The following TTC28 variants were observed in gnomAD, a reference collection of about 807,000 sequenced individuals.
TTC28 encodes tetratricopeptide repeat domain 28.
In TTC28, 61 loss-of-function variants were observed where a neutral mutation model predicts 198.0. That is an observed-to-expected ratio of 0.31 (90% CI 0.25 to 0.38). TTC28 has a LOEUF of 0.38. TTC28 is among the 10% of genes least tolerant of loss of function. The probability of loss-of-function intolerance (pLI) is 1.00; values close to 1 mark genes in which losing one functional copy is unlikely to be tolerated. For synonymous variants in TTC28, 1,171 were observed against 1,297.8 expected, an observed-to-expected ratio of 0.90 and a Z score of 2.10; for missense variants, 2,678 against 3,164.0, an observed-to-expected ratio of 0.85 and a Z score of 3.69.
At chr22:28,647,851 A>G (rs2051495595) in intron 1 of TTC28, among the ~76,000 whole-genome samples, 1 of 151,634 alleles carries the variant, frequency 6.6e-6, no homozygotes, top group Admixed American at 6.6e-5. Flanking sequence ...AAATAAAATA[A>G]AATAAAATAA....
In TTC28 at chr22:28,018,244, A is replaced by AGTGTGTGTGTGTGTGTGTGTGTGTGT. The variant is rs138612299; in HGVS notation, c.4074-3878_4074-3853dup. ...ACTCCTCTGATCTGTGCTGCTATTC[A>AGTGTGTGTGTGTGTGTGTGTGTGTGT]GTGTGTGTGTGTGTGTGTGTGTGTG... On this transcript the variant is annotated intron_variant, in intron 13 of 22. Transcript: ENST00000397906. Among the ~76,000 whole-genome samples, 37 of 114,972 alleles carry AGTGTGTGTGTGTGTGTGTGTGTGTGT rather than the reference A, an allele frequency of 3.2e-4. 2 individuals are homozygous for AGTGTGTGTGTGTGTGTGTGTGTGTGT. The highest frequency in any genetic ancestry group is 1.2e-3 in the African/African-American group (33 of 28,348). 75.4% of individuals were successfully genotyped at this position (114,972 alleles called of 152,430 possible). A position where few individuals can be genotyped will look rare whatever the true frequency, so the allele number is the denominator to read the frequency against.
At chr22:28,214,009 G>A (rs1927159729) in intron 5 of TTC28, among the ~76,000 whole-genome samples, 1 of 152,110 alleles carries the variant, frequency 6.6e-6, no homozygotes, top group African/African-American at 2.4e-5. Context: ...TGACAAAACT[G>A]ACAAAAACAA....
chr22:28,269,738 G>A lies in TTC28; in HGVS notation c.933+26460C>T, dbSNP rs529824087. ...ACACTTATGAAACAGGAGAGGAGGG[G>A]AGCCATGTGCTTTTCTTAAATTAGG... On this transcript the variant is annotated intron_variant, in intron 5 of 22. Coordinates refer to ENST00000397906, the MANE Select transcript of TTC28 (RefSeq NM_001145418.2). Among the ~76,000 whole-genome samples the A allele has an allele frequency of 5.9e-5, 9 of 152,270 alleles. No homozygotes were observed. The South Asian group carries it at 1.7e-3, about 28-fold the overall frequency.
At chr22:28,298,467 G>T (rs1444500988) in intron 3 of TTC28, among the ~76,000 whole-genome samples, 2 of 152,082 alleles carry the variant, frequency 1.3e-5, no homozygotes, top group African/African-American at 4.8e-5. Context: ...AGGTTTGTTT[G>T]TGACAGGTCT....
rs746058646 is a variant in TTC28 at position 27,983,593 on chromosome 22, C to G, written c.6074G>C (p.Arg2025Pro). The G allele has an allele frequency of 3.9e-6, 6 of 1,549,206 alleles. 1 individual carries two copies. In the African/African-American group the frequency reaches 4.1e-5, roughly 11 times the overall value. Residue 2025 changes from arginine to proline, a missense_variant, in exon 23 of 23, where the codon CGG (arginine) becomes CCG (proline). Around this residue, in one of 8 missense-constraint regions of TTC28, gnomAD observed 622 missense variants for 656.0 expected, o/e 0.95. Coordinates refer to ENST00000397906, the MANE Select transcript of TTC28 (RefSeq NM_001145418.2). The part of the protein sequence containing the change: ...GGPGGRQDHD[R>P]SKNAYLQRST... Reference sequence around the variant, plus strand: ...TCTCTGCAGGTAAGCGTTCTTGGACCGGTCATGGTCCTGCCGTCCTCCGGG... The same window carrying G: ...TCTCTGCAGGTAAGCGTTCTTGGACGGGTCATGGTCCTGCCGTCCTCCGGG...
chr22:28,262,408 C>T (rs939041774), intron 5 of TTC28, among the ~76,000 whole-genome samples: 1 of 152,134 alleles, frequency 6.6e-6, no homozygotes, highest in Non-Finnish European at 1.5e-5. Flanking sequence ...AAATAGTTTT[C>T]CATATGGCGG....
chr22:28,275,768 G>T (rs1027700988), intron 5 of TTC28, among the ~76,000 whole-genome samples: 1 of 151,912 alleles, frequency 6.6e-6, no homozygotes, highest in African/African-American at 2.4e-5. Flanking sequence ...AGAAAAAGAG[G>T]AAGTGTTTTT....
rs115745593 is a variant in TTC28 at position 28,473,800 on chromosome 22, T to C, written c.381+155752A>G. Reference sequence around the variant, plus strand: ...ATGAGTGAGCCCTAATCTAATATGATTGTTGTCTTTATAAGAAGAAGAGAT... The same window carrying C: ...ATGAGTGAGCCCTAATCTAATATGACTGTTGTCTTTATAAGAAGAAGAGAT... On this transcript the variant is annotated intron_variant, in intron 2 of 22. Transcript: ENST00000397906. Among the ~76,000 whole-genome samples, 885 of 152,256 alleles carry C rather than the reference T, an allele frequency of 5.8e-3. 10 individuals carry two copies. Among genetic ancestry groups the C allele is most frequent in the African/African-American group, 0.021 (857 of 41,552 alleles).
chr22:28,163,420 C>T lies in TTC28; in HGVS notation c.1113G>A (p.Glu371=), dbSNP rs201815963. 179 of 1,551,752 alleles carry T rather than the reference C, an allele frequency of 1.2e-4. 1 individual carries two copies. The Middle Eastern group carries it at 2.8e-3, about 25-fold the overall frequency. ...GAVYIAMGDF[E]NAVQCHEQHL... ...GCTGCTCATGGCACTGCACAGCATT[C>T]TCAAAGTCACCCATGGCAATATACA... Residue 371 remains glutamate (E), a synonymous_variant, in exon 6 of 23, where the codon GAG becomes GAA. Transcript: ENST00000397906.
intron 15 of TTC28, chr22:28,000,338 G>A (rs1937637209): frequency 6.6e-6 from 1 of 152,280 alleles, no homozygotes; most frequent in South Asian, 2.1e-4. Context: ...AGTCATCAAA[G>A]CAGCCAAGAC....
rs192542295 is a variant in TTC28 at position 28,050,896 on chromosome 22, A to G, written c.3933-20530T>C. Among the ~76,000 whole-genome samples the G allele has an allele frequency of 9.3e-4, 142 of 152,264 alleles. 1 individual carries two copies. The highest frequency in any genetic ancestry group is 3.3e-3 in the African/African-American group (135 of 41,532). On this transcript the variant is annotated intron_variant, in intron 12 of 22. Coordinates refer to ENST00000397906, the MANE Select transcript of TTC28 (RefSeq NM_001145418.2). ...TAATGAAAATGCATATTCTAATACA[A>G]CATGATCTCCTTAATGAGGCAAACT...
chr22:28,091,343 G>A (rs1417906395), intron 12 of TTC28, among the ~76,000 whole-genome samples: 1 of 152,158 alleles, frequency 6.6e-6, no homozygotes, highest in Non-Finnish European at 1.5e-5. Flanking sequence ...CTGGAAATTT[G>A]GATTAGGTGA....
chr22:28,229,111 G>A (rs1268903368), intron 5 of TTC28, among the ~76,000 whole-genome samples: 2 of 152,114 alleles, frequency 1.3e-5, no homozygotes, highest in Non-Finnish European at 1.5e-5. Flanking sequence ...AGCTGAGACC[G>A]TGCCACTGCA....
chr22:28,019,717 G>A (rs1248255221), intron 13 of TTC28, among the ~76,000 whole-genome samples: 1 of 152,222 alleles, frequency 6.6e-6, no homozygotes, highest in Non-Finnish European at 1.5e-5. Flanking sequence ...AGTGTATATA[G>A]TATTGCTCTG....
chr22:28,193,635 A>T lies in TTC28; in HGVS notation c.934-30036T>A, dbSNP rs544717822. On this transcript the variant is annotated intron_variant, in intron 5 of 22. Transcript: ENST00000397906. ...AAACAAAAAAAGGCAGGGGTTGCAA[A>T]CCTAGTCTCGGATAAAACAGACTTT... Among the ~76,000 whole-genome samples the T allele has an allele frequency of 9.9e-3, 1,510 of 152,228 alleles. 24 individuals are homozygous for T. The highest frequency in any genetic ancestry group is 0.034 in the African/African-American group (1,427 of 41,538).
At chr22:28,077,273 G>T (rs946692429) in intron 12 of TTC28, among the ~76,000 whole-genome samples, 12 of 152,170 alleles carry the variant, frequency 7.9e-5, no homozygotes, top group Admixed American at 7.2e-4. Context: ...CAAGTGTAAA[G>T]GGTATGTACA....
chr22:28,566,567 A>G (rs1170347466), intron 2 of TTC28, among the ~76,000 whole-genome samples: 3 of 152,230 alleles, frequency 2.0e-5, no homozygotes, highest in African/African-American at 7.2e-5. Flanking sequence ...GAAATTTTCA[A>G]CTGTGCTACA....
chr22:28,640,512 A>G (rs1369280924), intron 1 of TTC28, among the ~76,000 whole-genome samples: 1 of 151,570 alleles, frequency 6.6e-6, no homozygotes, highest in African/African-American at 2.4e-5. Flanking sequence ...CTTTCATTCA[A>G]CTCCAAGATA....
chr22:28,407,673 A>G (rs1045613767), intron 2 of TTC28, among the ~76,000 whole-genome samples: 8 of 152,344 alleles, frequency 5.3e-5, no homozygotes, highest in Admixed American at 3.3e-4. Context: ...CAGTTGTTAC[A>G]AGTGACAATA....
Sources: allele counts gnomAD v4.1 joint callset (sites outside exome capture counted in the v4.1 genomes callset), GRCh38; gene constraint gnomAD v4.1.1; regional missense constraint gnomAD v4.1.1; transcripts MANE v1.5; gene names NCBI Gene and HGNC (gene_info 2026-07-23, HGNC 2026-07-21).